BOP1: variants seen among roughly 807,000 people sequenced by gnomAD.
The protein encoded by BOP1 is BOP1 ribosomal biogenesis factor.
A neutral mutation model predicts 82.9 loss-of-function variants in BOP1; 54 were observed. That is an observed-to-expected ratio of 0.65 (90% confidence interval 0.52 to 0.82). The LOEUF is 0.82. Ranked by LOEUF, BOP1 falls within the 40% of genes least tolerant of loss-of-function variation. The probability of loss-of-function intolerance (pLI) is 0.00; values close to 1 mark genes in which losing one functional copy is unlikely to be tolerated. For synonymous variants in BOP1, 566 were observed against 451.1 expected (o/e 1.25, Z -3.23); for missense variants, 1,170 against 1,072.0 (o/e 1.09, Z -1.28).
At chr8:144,287,253 A>G (rs1036359114) in intron 2 of BOP1, among the ~76,000 whole-genome samples, 1 of 152,124 alleles carries the variant, frequency 6.6e-6, no homozygotes, top group Admixed American at 6.6e-5. Flanking sequence ...CAGGTGATCC[A>G]TCCACCTTAG....
intron 2 of BOP1, among the ~76,000 whole-genome samples, chr8:144,288,803 GTAA>G (rs1814955491): frequency 6.6e-6 from 1 of 152,208 alleles, no homozygotes; most frequent in Non-Finnish European, 1.5e-5. Context: ...ATTCCAAGCA[GTAA>G]AATCCCCACC....
At position 144,273,195 on chromosome 8, in the gene BOP1, C is replaced by T. The variant is rs1273541014; in HGVS notation, c.390+3029G>A. On this transcript the variant is annotated intron_variant, in intron 3 of 15. Transcript: ENST00000569669. Reference sequence around the variant, plus strand: ...GGGGGCGGCCCGGAGGAGCGGAGGCCGCCAGCACTGGAGGCAGCTGCCGGT... The same window carrying T: ...GGGGGCGGCCCGGAGGAGCGGAGGCTGCCAGCACTGGAGGCAGCTGCCGGT... 3.9e-5 allele frequency among the ~76,000 whole-genome samples: 6 copies of T among 152,312 alleles called. No individual in the cohort carries two copies. In the South Asian group the frequency reaches 6.2e-4, roughly 16 times the overall value.
rs1390090858 is a variant in BOP1, at chr8:144,291,351, G to C, written c.20C>G (p.Ala7Gly). The stretch of plus-strand genomic sequence containing the variant: ...CACGCTCGGCGCCGCCGTGCGCCCC[G>C]CACCCCGCGAACCCGCCATGCCCCA... MAGSRG[A>G]GRTAAPSVRP... The change falls in exon 1 of 16, where the codon GCG becomes GGG. Residue 7 changes from alanine (A) to glycine (G), a missense_variant. Physicochemically the swap from Ala to Gly is moderately conservative, Grantham distance 60. Transcript: ENST00000569669. The surrounding 1 kb of genome is among the most constrained non-coding windows in gnomAD (Gnocchi z 4.1). 2.2e-6 allele frequency: 3 copies of C among 1,373,940 alleles called. No homozygotes were observed. Among genetic ancestry groups the C allele is most frequent in the Non-Finnish European group, 2.8e-6 (3 of 1,058,330 alleles). The allele number at this position is 1,373,940 out of a possible 1,614,324, so 85.1% of individuals were successfully genotyped here. A position where few individuals can be genotyped will look rare whatever the true frequency, so the allele number is the denominator to read the frequency against.
Position 144,264,838 on chromosome 8 carries a change from A to T in BOP1, c.546-7T>A. 6.2e-7 allele frequency: 1 copy of T among 1,608,414 alleles called. No individual in the cohort carries two copies. Among genetic ancestry groups the T allele is most frequent in the Non-Finnish European group, 8.5e-7 (1 of 1,178,980 alleles). On this transcript the variant is annotated splice_region_variant and splice_polypyrimidine_tract_variant and intron_variant, in intron 4 of 15. Transcript: ENST00000569669. ...CGGGTCCTGCACGGTGCGCCTGGAG[A>T]CCGCCAGTCAGACCCCGCCAGCCCT...
At chr8:144,269,934 G>A (rs1334001995) in intron 3 of BOP1, among the ~76,000 whole-genome samples, 4 of 152,124 alleles carry the variant, frequency 2.6e-5, no homozygotes, top group Admixed American at 6.5e-5. Context: ...CGGCGCCCAC[G>A]CCAGCCCTCC....
rs1588587662 is a variant in BOP1, at chr8:144,263,555, C to G, written c.1347G>C (p.Arg449Ser). 1 of 1,601,762 alleles carries G rather than the reference C, an allele frequency of 6.2e-7. No individual in the cohort carries two copies. The highest frequency in any genetic ancestry group is 1.3e-5 in the African/African-American group (1 of 75,014). ...TCACCACGCCCCCCACGGGAACAGT[C>G]CTCACACAGCGGGCAGTGGCCACCT... ...LWEVATARCVRTVPVGGVVKS... is the reference protein window; with the variant it reads ...LWEVATARCVSTVPVGGVVKS... The change falls in exon 11 of 16, where the codon AGG becomes AGC. Residue 449 changes from arginine (R) to serine (S), a missense_variant. Physicochemically the swap from Arg to Ser is moderately radical, Grantham distance 110. Transcript: ENST00000569669.
Position 144,262,926 on chromosome 8 carries a change from C to T in BOP1, c.1821G>A (p.Leu607=). Residue 607 remains leucine, a synonymous_variant, in exon 13 of 16, where the codon CTG becomes CTA. Coordinates refer to ENST00000569669, the MANE Select transcript of BOP1 (RefSeq NM_015201.5). ...GCTTCTTGGTGAGCTCCTGGCGCAG[C>T]AGGTGGTAGAGGCGGACGCTGCGCT... is the stretch of plus-strand genomic sequence containing the variant. ...ASQRSVRLYH[L]LRQELTKKLM... The T allele has an allele frequency of 6.5e-7, 1 of 1,549,980 alleles. No homozygotes were observed. The highest frequency in any genetic ancestry group is 8.7e-7 in the Non-Finnish European group (1 of 1,154,322).
Position 144,264,612 on chromosome 8 carries a change from G to A in BOP1, c.668C>T (p.Ala223Val). 6.3e-7 allele frequency: 1 copy of A among 1,596,658 alleles called. No individual in the cohort carries two copies. The highest frequency in any genetic ancestry group is 8.5e-7 in the Non-Finnish European group (1 of 1,171,566). ...GACGTCCCCGCTGAAGAAGTCGACA[G>A]CCGGCTGGGGGAGAAGATGTGGGCG... ...GDVGFNPYEP[A>V]VDFFSGDVMI... is the part of the protein sequence containing the mutation. Residue 223 changes from alanine to valine, a missense_variant, in exon 6 of 16, where the codon GCT becomes GTT. Physicochemically the swap from Ala to Val is moderately conservative, Grantham distance 64. Transcript: ENST00000569669.
Position 144,265,037 on chromosome 8 carries a change from T to C in BOP1, c.425A>G (p.Glu142Gly). 1 of 1,611,850 alleles carries C rather than the reference T, an allele frequency of 6.2e-7. No individual in the cohort carries two copies. Among genetic ancestry groups the C allele is most frequent in the Non-Finnish European group, 8.5e-7 (1 of 1,179,556 alleles). ...CACGTGGGGGAAGTCATCGTACCACTCCAAGGGCACGTTGCCCACCGTGTT... is the reference window on the plus strand; with the variant it reads ...CACGTGGGGGAAGTCATCGTACCACCCCAAGGGCACGTTGCCCACCGTGTT... ...IRNTVGNVPL[E>G]WYDDFPHVGY... The change falls in exon 4 of 16, where the codon GAG (glutamate) becomes GGG (glycine). Residue 142 changes from glutamate (E) to glycine (G), a missense_variant. Physicochemically the swap from Glu to Gly is moderately conservative, Grantham distance 98 (BLOSUM62 -2). Transcript: ENST00000569669.
Position 144,291,220 on chromosome 8 carries a change from C to T in BOP1, c.99+52G>A. The T allele has an allele frequency of 2.2e-6, 3 of 1,361,130 alleles. No individual in the cohort carries two copies. The highest frequency in any genetic ancestry group is 3.3e-5 in the East Asian group (1 of 30,512). 84.3% of individuals were successfully genotyped at this position (1,361,130 alleles called of 1,614,324 possible). A position where few individuals can be genotyped will look rare whatever the true frequency, so the allele number is the denominator to read the frequency against. ...CCACCCGCCCCAGCGCGGCCACGTG[C>T]CCGCCGGGCCCTCTAGGGACGCGCC... On this transcript the variant is annotated intron_variant, in intron 1 of 15. Coordinates refer to ENST00000569669, the MANE Select transcript of BOP1 (RefSeq NM_015201.5). The surrounding 1 kb of genome is among the most constrained non-coding windows in gnomAD (Gnocchi z 4.1).
intron 3 of BOP1, chr8:144,268,143 G>A: frequency 6.4e-7 from 1 of 1,551,272 alleles, no homozygotes; most frequent in Non-Finnish European, 8.7e-7. Flanking sequence ...TCGCAGTTAG[G>A]AGGTGGCCGG....
In BOP1 at chr8:144,263,726, G is replaced by C; in HGVS notation, c.1257C>G (p.Leu419=). ...YRGHSDLVRC[L]SVSPGGQWLV... ...GCCACTGGCCCCCAGGAGAGACACT[G>C]AGGCACCGGACAAGGTCACTGTGGC... Residue 419 remains leucine (L), a synonymous_variant, in exon 10 of 16, where the codon CTC becomes CTG. Transcript: ENST00000569669. 3 of 1,575,670 alleles carry C rather than the reference G, an allele frequency of 1.9e-6. No homozygotes were observed. The highest frequency in any genetic ancestry group is 1.9e-5 in the Admixed American group (1 of 53,762).
In BOP1 at chr8:144,264,994, G is replaced by A. The variant is rs1438362059; in HGVS notation, c.468C>T (p.Gly156=). 1 of 1,612,412 alleles carries A rather than the reference G, an allele frequency of 6.2e-7. No individual in the cohort carries two copies. Among genetic ancestry groups the A allele is most frequent in the East Asian group, 2.2e-5 (1 of 44,862 alleles). The change falls in exon 4 of 16, where the codon GGC becomes GGT. Residue 156 remains glycine, a synonymous_variant. Transcript: ENST00000569669. ...DFPHVGYDLD[G]RRIYKPLRTR... The stretch of plus-strand genomic sequence containing the variant: ...TCCGCAGGGGCTTGTAGATGCGCCT[G>A]CCATCCAGGTCGTAGCCCACGTGGG...
chr8:144,271,816 C>T (rs1212350828), intron 3 of BOP1, among the ~76,000 whole-genome samples: 7 of 152,322 alleles, frequency 4.6e-5, no homozygotes, highest in African/African-American at 1.7e-4. Flanking sequence ...AGCTCCGGCC[C>T]GGCTCCCGCC....
At chr8:144,276,185 C>T (rs1001304118) in intron 3 of BOP1, 39 bp downstream of exon 3, 101 of 1,609,056 alleles carry the variant, frequency 6.3e-5, no homozygotes, top group Non-Finnish European at 8.0e-5. Flanking sequence ...TGATGGAAGC[C>T]GCCCCACCCT....
intron 3 of BOP1, 125 bp downstream of exon 3, chr8:144,276,099 C>G: frequency 8.8e-7 from 1 of 1,136,312 alleles, no homozygotes; most frequent in South Asian, 1.2e-5. Flanking sequence ...TCGGCTCCAA[C>G]AGTGCGGCCC....
chr8:144,262,651 C>G lies in BOP1; in HGVS notation c.1916G>C (p.Ser639Thr). The G allele has an allele frequency of 1.2e-6, 2 of 1,613,440 alleles. No homozygotes were observed. Among genetic ancestry groups the G allele is most frequent in the Non-Finnish European group, 8.5e-7 (1 of 1,179,820 alleles). ...AAACCACACCAGCTTGCTATCGTAG[C>G]TCCCACAGATGACGTTGTCACCTAG... ...HPAGDNVICG[S>T]YDSKLVWFDL... The change falls in exon 14 of 16, where the codon AGC (serine) becomes ACC (threonine). Residue 639 changes from serine to threonine, a missense_variant. Physicochemically the swap from Ser to Thr is moderately conservative, Grantham distance 58 (BLOSUM62 1). Coordinates refer to ENST00000569669, the MANE Select transcript of BOP1 (RefSeq NM_015201.5).
At position 144,264,091 on chromosome 8, in the gene BOP1, G is replaced by A. The variant is rs1194223861; in HGVS notation, c.1030C>T (p.Pro344Ser). 1 of 1,609,906 alleles carries A rather than the reference G, an allele frequency of 6.2e-7. No individual in the cohort carries two copies. The highest frequency in any genetic ancestry group is 8.5e-7 in the Non-Finnish European group (1 of 1,179,316). Reference protein sequence around the residue: ...EPGERKLSFLPRKFPSLRAVP... With the variant: ...EPGERKLSFLSRKFPSLRAVP... The stretch of plus-strand genomic sequence containing the variant: ...GCCCGCAGGCTCGGGAACTTGCGTG[G>A]CAAAAAGCTCAGCTTCCTCTCGCCT... Residue 344 changes from proline to serine, a missense_variant, in exon 8 of 16, where the codon CCA becomes TCA. By Grantham distance (74) the Pro-to-Ser change is moderately conservative. Transcript: ENST00000569669.
At chr8:144,290,395 T>A (rs1464456311) in intron 1 of BOP1, among the ~76,000 whole-genome samples, 1 of 152,014 alleles carries the variant, frequency 6.6e-6, no homozygotes, top group African/African-American at 2.4e-5. Context: ...AGGAAGCAGT[T>A]GAATGCAGAA....
Sources: allele counts gnomAD v4.1 joint callset (sites outside exome capture counted in the v4.1 genomes callset), GRCh38; gene constraint gnomAD v4.1.1; non-coding constraint Gnocchi (gnomAD v3.1); transcripts MANE v1.5; gene names NCBI Gene and HGNC (gene_info 2026-07-23, HGNC 2026-07-21).